Variants in BBS9 observed in about 807,000 individuals in gnomAD.
The protein encoded by BBS9 is Bardet-Biedl syndrome 9.
BBS9 carries 89 observed loss-of-function variants against 117.7 expected under a neutral mutation model. That is an observed-to-expected ratio of 0.76 (90% CI 0.64 to 0.90). BBS9 has a LOEUF of 0.90. Ranked by LOEUF, BBS9 falls within the 40% of genes least tolerant of loss-of-function variation. The probability of loss-of-function intolerance (pLI) is 0.00; values close to 1 mark genes in which losing one functional copy is unlikely to be tolerated. For synonymous variants in BBS9, 379 were observed against 370.9 expected (o/e 1.02, Z -0.25); for missense variants, 982 against 1,042.2 (o/e 0.94, Z 0.80).
chr7:33,595,294 A>G (rs988736345), intron 21 of BBS9, among the ~76,000 whole-genome samples: 2 of 152,218 alleles, frequency 1.3e-5, no homozygotes, highest in African/African-American at 4.8e-5. Context: ...CAATCTACCC[A>G]TCTGACAATG....
intron 21 of BBS9, among the ~76,000 whole-genome samples, chr7:33,557,063 C>G (rs755509038): frequency 1.3e-5 from 2 of 152,134 alleles, no homozygotes; most frequent in Non-Finnish European, 2.9e-5. Context: ...AATTTTATAA[C>G]AAGACCAGTT....
At chr7:33,540,458 C>A (rs1852108039) in intron 21 of BBS9, among the ~76,000 whole-genome samples, 1 of 152,112 alleles carries the variant, frequency 6.6e-6, no homozygotes, top group Non-Finnish European at 1.5e-5. Context: ...AGAATATAAA[C>A]CAAGGTGTGT....
chr7:33,366,991 C>CT (rs779511824), intron 16 of BBS9, among the ~76,000 whole-genome samples: 11 of 152,194 alleles, frequency 7.2e-5, no homozygotes, highest in African/African-American at 1.7e-4. Flanking sequence ...ATTTGTTTGT[C>CT]TTTTTTTGTG....
intron 21 of BBS9, among the ~76,000 whole-genome samples, chr7:33,575,377 G>A (rs187429825): frequency 4.6e-5 from 7 of 151,988 alleles, no homozygotes. Context: ...GAATCTCTGA[G>A]TAGACCAATA....
In BBS9 at chr7:33,543,133, A is replaced by AT. The variant is rs547778854; in HGVS notation, c.2521+8963dup. ...CCACGCCAACATCTACTGTTTTTTG[A>AT]TTTTTTGATTATGGCCATTCTTGCA... is the stretch of plus-strand genomic sequence containing the variant. On this transcript the variant is annotated intron_variant, in intron 21 of 22. Coordinates refer to ENST00000242067, the MANE Select transcript of BBS9 (RefSeq NM_198428.3). Among the ~76,000 whole-genome samples the AT allele has an allele frequency of 3.3e-5, 5 of 151,890 alleles. No individual in the cohort carries two copies. In the South Asian group the frequency reaches 8.3e-4, roughly 25 times the overall value.
chr7:33,483,241 C>T (rs990283415), intron 19 of BBS9, among the ~76,000 whole-genome samples: 8 of 152,058 alleles, frequency 5.3e-5, no homozygotes, highest in African/African-American at 1.9e-4. Context: ...TTGACCTGGC[C>T]CAAGATGGAA....
Position 33,420,580 on chromosome 7 carries a change from A to C in BBS9, c.2115+32436A>C, listed in dbSNP as rs542269928. On this transcript the variant is annotated intron_variant, in intron 19 of 22. Transcript: ENST00000242067. Reference sequence around the variant, plus strand: ...GGTTCTGTGGCCTCGGGACTCCTGCATTTCCCTACTCTTGTTTGATAGCAT... The same window carrying C: ...GGTTCTGTGGCCTCGGGACTCCTGCCTTTCCCTACTCTTGTTTGATAGCAT... Among the ~76,000 whole-genome samples, 5 of 152,164 alleles carry C rather than the reference A, an allele frequency of 3.3e-5. No individual in the cohort carries two copies. In the South Asian group the frequency reaches 1.0e-3, roughly 32 times the overall value.
chr7:33,537,688 G>A (rs1308332670), intron 21 of BBS9, among the ~76,000 whole-genome samples: 2 of 152,142 alleles, frequency 1.3e-5, no homozygotes, highest in Non-Finnish European at 2.9e-5. Context: ...ATGCATATAT[G>A]TTCCCAACCT....
intron 19 of BBS9, among the ~76,000 whole-genome samples, chr7:33,420,571 G>A (rs1407088999): frequency 6.6e-6 from 1 of 152,078 alleles, no homozygotes; most frequent in African/African-American, 2.4e-5. Context: ...GTGGCCTCGG[G>A]ACTCCTGCAT....
At chr7:33,626,729 T>C (rs1304063598) in intron 21 of BBS9, among the ~76,000 whole-genome samples, 1 of 152,206 alleles carries the variant, frequency 6.6e-6, no homozygotes, top group East Asian at 1.9e-4. Flanking sequence ...TCTGTGGAAC[T>C]TTGAACTTGA....
chr7:33,264,251 A>T, intron 6 of BBS9, 39 bp from the exon 7 acceptor site: 1 of 1,068,266 alleles, frequency 9.4e-7, no homozygotes, highest in Non-Finnish European at 1.3e-6. Context: ...ATTTTTAATT[A>T]TAAACTCATT....
At chr7:33,583,402 T>TC (rs1416630851) in intron 21 of BBS9, among the ~76,000 whole-genome samples, 1 of 152,128 alleles carries the variant, frequency 6.6e-6, no homozygotes, top group Non-Finnish European at 1.5e-5. Context: ...TCCTGTCCTT[T>TC]CCCCCTTGAT....
intron 9 of BBS9, among the ~76,000 whole-genome samples, chr7:33,335,881 A>G (rs1336382435): frequency 3.3e-5 from 5 of 152,148 alleles, no homozygotes; most frequent in Admixed American, 6.5e-5. Context: ...GAGGGCAAAC[A>G]TGAATCCTAA....
intron 9 of BBS9, among the ~76,000 whole-genome samples, chr7:33,328,016 A>G (rs1361085739): frequency 6.6e-6 from 1 of 152,134 alleles, no homozygotes; most frequent in African/African-American, 2.4e-5. Context: ...TTGGCCTTCT[A>G]AGTGTAGCTG....
chr7:33,238,119 A>AT (rs1243644923), intron 5 of BBS9, among the ~76,000 whole-genome samples: 1 of 152,184 alleles, frequency 6.6e-6, no homozygotes, highest in Non-Finnish European at 1.5e-5. Flanking sequence ...TTAGGTCACC[A>AT]TTTTTGCTAA....
intron 19 of BBS9, among the ~76,000 whole-genome samples, chr7:33,443,691 C>T: frequency 6.6e-6 from 1 of 152,190 alleles, no homozygotes; most frequent in Non-Finnish European, 1.5e-5. Flanking sequence ...AGAAGTTCAT[C>T]TTGGCATTCT....
chr7:33,515,627 T>A (rs960824808), intron 20 of BBS9, among the ~76,000 whole-genome samples: 1 of 152,216 alleles, frequency 6.6e-6, no homozygotes, highest in African/African-American at 2.4e-5. Flanking sequence ...CTCACAATAG[T>A]CCTACATGAT....
At chr7:33,368,762 A>G (rs1196068215) in intron 17 of BBS9, among the ~76,000 whole-genome samples, 2 of 152,164 alleles carry the variant, frequency 1.3e-5, no homozygotes, top group Non-Finnish European at 2.9e-5. Context: ...CAATAAGGCC[A>G]TCTGTTTTTG....
At chr7:33,226,281 T>C (rs1791260056) in intron 5 of BBS9, among the ~76,000 whole-genome samples, 7 of 152,200 alleles carry the variant, frequency 4.6e-5, no homozygotes, top group Admixed American at 4.6e-4. Context: ...TGATTTTTAA[T>C]GGCTTTTTGA....
Sources: gnomAD v4.1 joint callset for allele counts (sites outside exome capture counted in the v4.1 genomes callset) on GRCh38, gnomAD v4.1.1 for gene constraint, MANE v1.5 for transcripts, NCBI Gene and HGNC (gene_info 2026-07-23, HGNC 2026-07-21) for gene names.